Variants in SCN7A observed in about 807,000 individuals in gnomAD.
SCN7A encodes the protein sodium channel protein type 7 subunit alpha.
SCN7A carries 138 observed loss-of-function variants against 155.2 expected under a neutral mutation model. That is an observed-to-expected ratio of 0.89 (90% CI 0.77 to 1.02). The LOEUF (loss-of-function observed/expected upper bound fraction) is 1.02, where lower values mean the gene tolerates loss of function less well. Among genes scored for constraint, SCN7A ranks in the 50% least tolerant of loss-of-function variants. The probability of loss-of-function intolerance (pLI) is 0.00; values close to 1 mark genes in which losing one functional copy is unlikely to be tolerated. For synonymous variants in SCN7A, 693 were observed against 649.0 expected, an observed-to-expected ratio of 1.07 and a Z score of -1.03; for missense variants, 2,058 against 1,986.6, an observed-to-expected ratio of 1.04 and a Z score of -0.68.
intron 20 of SCN7A, among the ~76,000 whole-genome samples, chr2:166,420,500 A>G (rs1248753909): frequency 1.4e-4 from 21 of 152,214 alleles, no homozygotes. Flanking sequence ...TACTTATACT[A>G]CTTGTGGTGG....
chr2:166,416,241 T>A (rs373192192), intron 21 of SCN7A, among the ~76,000 whole-genome samples: 3 of 152,156 alleles, frequency 2.0e-5, no homozygotes, highest in Non-Finnish European at 4.4e-5. Flanking sequence ...CCACTGAACA[T>A]AGACCCTTAA....
chr2:166,415,388 C>G (rs1243339327), intron 21 of SCN7A, among the ~76,000 whole-genome samples: 3 of 151,986 alleles, frequency 2.0e-5, no homozygotes, highest in Non-Finnish European at 4.4e-5. Flanking sequence ...CTCCACCCAG[C>G]TAATTTTTGT....
intron 21 of SCN7A, among the ~76,000 whole-genome samples, chr2:166,414,963 T>TGGG (rs1701339778): frequency 8.2e-6 from 1 of 122,432 alleles, no homozygotes; most frequent in South Asian, 2.3e-4. Flanking sequence ...TATTATTATA[T>TGGG]AGGATAATAT....
intron 7 of SCN7A, among the ~76,000 whole-genome samples, chr2:166,467,844 A>G (rs1464891144): frequency 6.6e-6 from 1 of 151,794 alleles, no homozygotes; most frequent in Non-Finnish European, 1.5e-5. Context: ...AAAAATTTAA[A>G]CCAATTGCAT....
chr2:166,442,875 T>A (rs577436775), intron 14 of SCN7A, among the ~76,000 whole-genome samples: 18 of 152,336 alleles, frequency 1.2e-4, no homozygotes, highest in South Asian at 4.1e-4. Flanking sequence ...GGATTCTGAA[T>A]GAGCTGCCCT....
At chr2:166,468,777 A>G (rs1702591362) in intron 7 of SCN7A, among the ~76,000 whole-genome samples, 1 of 151,852 alleles carries the variant, frequency 6.6e-6, no homozygotes, top group Non-Finnish European at 1.5e-5. Flanking sequence ...ACACATACAA[A>G]TGACAGCCAA....
intron 12 of SCN7A, among the ~76,000 whole-genome samples, chr2:166,447,183 T>C (rs907077750): frequency 4.6e-5 from 7 of 152,134 alleles, no homozygotes; most frequent in African/African-American, 9.7e-5. Flanking sequence ...AAAACAAATA[T>C]GGAACATAGT....
intron 1 of SCN7A, among the ~76,000 whole-genome samples, chr2:166,493,294 C>T (rs1035725089): frequency 2.0e-5 from 3 of 152,222 alleles, no homozygotes; most frequent in Non-Finnish European, 4.4e-5. Context: ...TGTCATTCCA[C>T]ATGCACTCAT....
At chr2:166,461,167 A>G (rs938651173) in intron 10 of SCN7A, among the ~76,000 whole-genome samples, 2 of 146,704 alleles carry the variant, frequency 1.4e-5, no homozygotes, top group African/African-American at 5.1e-5. Flanking sequence ...CAAATATATT[A>G]TATTAGCCTA....
chr2:166,409,604 TG>T (rs1471053092), intron 25 of SCN7A, 60 bp downstream of exon 25: 48 of 1,236,074 alleles, frequency 3.9e-5, no homozygotes, highest in Non-Finnish European at 5.3e-5. Flanking sequence ...TCATATTTAC[TG>T]TAAGAGCTTA....
intron 25 of SCN7A, among the ~76,000 whole-genome samples, chr2:166,408,807 C>G (rs1037454155): frequency 6.6e-6 from 1 of 151,984 alleles, no homozygotes; most frequent in East Asian, 1.9e-4. Flanking sequence ...TGTTCCTACT[C>G]TCATGGAACT....
intron 2 of SCN7A, among the ~76,000 whole-genome samples, chr2:166,482,317 C>T (rs537954893): frequency 4.4e-4 from 67 of 152,184 alleles, no homozygotes; most frequent in African/African-American, 1.5e-3. Flanking sequence ...ATGCTGCCAT[C>T]AATGAAAATG....
rs577392114 is a variant in SCN7A at position 166,427,902 on chromosome 2, T to C, written c.2739A>G (p.Ala913=). The C allele has an allele frequency of 1.2e-6, 2 of 1,612,932 alleles. No individual in the cohort carries two copies. Among genetic ancestry groups the C allele is most frequent in the Admixed American group, 1.7e-5 (1 of 59,832 alleles). ...TCTGCCAGATTTTTCCTTTCTTGGA[T>C]GCTCCACTGATTTGACCAAGTGAAG... The part of the protein sequence containing the change: ...RGSSLGQISG[A]SKKGKIWQNI... The change falls in exon 18 of 26, where the codon GCA becomes GCG. Residue 913 remains alanine, a synonymous_variant. Coordinates refer to ENST00000643258, the MANE Select transcript of SCN7A (RefSeq NM_002976.4).
Position 166,423,371 on chromosome 2 carries a change from T to C in SCN7A, c.2915A>G (p.Asp972Gly), listed in dbSNP as rs758976398. The C allele has an allele frequency of 1.2e-6, 2 of 1,607,758 alleles. No individual in the cohort carries two copies. The highest frequency in any genetic ancestry group is 1.7e-6 in the Non-Finnish European group (2 of 1,177,738). ...AATGAAGATATAAGTAAAGATCATG[T>C]CAGCATATTCTAATAAAATTTTAAT... ...KTIKILLEYA[D>G]MIFTYIFILE... Residue 972 changes from aspartate (D) to glycine (G), a missense_variant, in exon 19 of 26, where the codon GAC (aspartate) becomes GGC (glycine). By Grantham distance (94) the Asp-to-Gly change is moderately conservative. Transcript: ENST00000643258.
chr2:166,429,270 A>G lies in SCN7A; in HGVS notation c.2597T>C (p.Ile866Thr). 1 of 1,522,088 alleles carries G rather than the reference A, an allele frequency of 6.6e-7. No homozygotes were observed. The highest frequency in any genetic ancestry group is 2.5e-5 in the East Asian group (1 of 40,086). The allele number at this position is 1,522,088 out of a possible 1,614,324, so 94.3% of individuals were successfully genotyped here. A position where few individuals can be genotyped will look rare whatever the true frequency, so the allele number is the denominator to read the frequency against. The change falls in exon 17 of 26, where the codon ATA becomes ACA. Residue 866 changes from isoleucine (I) to threonine (T), a missense_variant. By Grantham distance (89) the Ile-to-Thr change is moderately conservative. Coordinates refer to ENST00000643258, the MANE Select transcript of SCN7A (RefSeq NM_002976.4). ...KSGDGGSKEK[I>T]KQSSSSECST... The stretch of plus-strand genomic sequence containing the variant: ...GCATTCAGATGAGCTAGATTGCTTT[A>G]TTTTCTAAAAGGTGAAGTCCCACCA...
chr2:166,409,507 T>C (rs1701149250), intron 25 of SCN7A, among the ~76,000 whole-genome samples, 158 bp downstream of exon 25: 1 of 151,984 alleles, frequency 6.6e-6, no homozygotes, highest in Middle Eastern at 3.2e-3. Context: ...ATGTGAAGCA[T>C]TCCTGTTGAA....
At chr2:166,473,975 TATTA>T in intron 4 of SCN7A, 87 bp from the exon 5 acceptor site, 1 of 693,954 alleles carries the variant, frequency 1.4e-6, no homozygotes, top group Admixed American at 2.9e-5. Flanking sequence ...TGTTGAAAAA[TATTA>T]ATCTTATTGA....
chr2:166,436,830 G>A (rs915675288), intron 15 of SCN7A, among the ~76,000 whole-genome samples: 2 of 152,174 alleles, frequency 1.3e-5, no homozygotes, highest in Non-Finnish European at 2.9e-5. Flanking sequence ...GAGACTGGTG[G>A]CTTTCTGCCC....
At chr2:166,474,850 A>G (rs974939215) in intron 3 of SCN7A, among the ~76,000 whole-genome samples, 3 of 151,742 alleles carry the variant, frequency 2.0e-5, no homozygotes, top group Admixed American at 6.6e-5. Context: ...CTTGCATGAT[A>G]TCATTAACAT....
Sources: allele counts gnomAD v4.1 joint callset (sites outside exome capture counted in the v4.1 genomes callset), GRCh38; gene constraint gnomAD v4.1.1; transcripts MANE v1.5; gene names NCBI Gene and HGNC (gene_info 2026-07-23, HGNC 2026-07-21).